TIAM1: variants seen among roughly 807,000 people sequenced by gnomAD.
TIAM1 encodes rho guanine nucleotide exchange factor TIAM1.
TIAM1 carries 65 observed loss-of-function variants against 163.5 expected under a neutral mutation model. The ratio of observed to expected loss-of-function variants is 0.40; its 90% CI spans 0.33 to 0.49. The LOEUF is 0.49. Among genes scored for constraint, TIAM1 ranks in the 20% least tolerant of loss-of-function variants. TIAM1 has a pLI of 0.77. For synonymous variants in TIAM1, 833 were observed against 810.1 expected (o/e 1.03, Z -0.48); for missense variants, 1,789 against 2,044.7 (o/e 0.87, Z 2.41).
chr21:31,336,249 T>A (rs1172183285), intron 2 of TIAM1, among the ~76,000 whole-genome samples: 1 of 152,202 alleles, frequency 6.6e-6, no homozygotes, highest in Non-Finnish European at 1.5e-5. Context: ...GCTTGACATG[T>A]TTCACCTACC....
chr21:31,301,056 G>A (rs926607273), intron 2 of TIAM1, among the ~76,000 whole-genome samples: 5 of 152,206 alleles, frequency 3.3e-5, no homozygotes, highest in African/African-American at 1.2e-4. Context: ...ACTGCATTGT[G>A]AATTTTGGAG....
At chr21:31,363,712 A>T (rs1300384119) in intron 2 of TIAM1, among the ~76,000 whole-genome samples, 2 of 152,116 alleles carry the variant, frequency 1.3e-5, no homozygotes. Flanking sequence ...GAAACTGCTG[A>T]TCACTCCCAA....
At chr21:31,142,663 A>G (rs906125235) in intron 20 of TIAM1, among the ~76,000 whole-genome samples, 6 of 151,688 alleles carry the variant, frequency 4.0e-5, no homozygotes, top group Non-Finnish European at 8.8e-5. Flanking sequence ...AAAAAAGAAA[A>G]AGAAAAAGAA....
intron 5 of TIAM1, among the ~76,000 whole-genome samples, chr21:31,248,317 T>C (rs939810682): frequency 2.0e-5 from 3 of 152,098 alleles, no homozygotes; most frequent in Non-Finnish European, 4.4e-5. Context: ...CAGGTAACTG[T>C]TTGTATAATT....
intron 2 of TIAM1, among the ~76,000 whole-genome samples, chr21:31,303,899 A>G (rs1468785786): frequency 6.6e-6 from 1 of 152,014 alleles, no homozygotes; most frequent in East Asian, 1.9e-4. Context: ...AATTGCTTGA[A>G]CCCTGGAGGC....
At chr21:31,209,521 T>A (rs953859809) in intron 11 of TIAM1, among the ~76,000 whole-genome samples, 2 of 152,148 alleles carry the variant, frequency 1.3e-5, no homozygotes, top group Middle Eastern at 3.2e-3. Context: ...TCAATGGAGG[T>A]CAAACTTATA....
chr21:31,505,630 C>CAT (rs2046998442), intron 1 of TIAM1, among the ~76,000 whole-genome samples: 1 of 152,114 alleles, frequency 6.6e-6, no homozygotes, highest in Non-Finnish European at 1.5e-5. Flanking sequence ...ATCAGCATTA[C>CAT]CGTCTTAGAT....
rs984290796 is a variant in TIAM1 at position 31,118,498 on chromosome 21, T to G, written c.*1870A>C. 2.2e-6 allele frequency: 1 copy of G among 447,868 alleles called. No homozygotes were observed. Among genetic ancestry groups the G allele is most frequent in the African/African-American group, 2.1e-5 (1 of 48,390 alleles). The allele number at this position is 447,868 out of a possible 1,614,324, so 27.7% of individuals were successfully genotyped here. The stretch of plus-strand genomic sequence containing the variant: ...CTAAAAACATAAAAATAGACCTTCT[T>G]TCAGCTTATAAAAGAAATATATAAG... On this transcript the variant is annotated 3_prime_UTR_variant, in exon 28 of 28. Coordinates refer to ENST00000541036, the MANE Select transcript of TIAM1 (RefSeq NM_001353694.2).
chr21:31,153,601 A>G (rs940544094), intron 17 of TIAM1, among the ~76,000 whole-genome samples: 8 of 152,224 alleles, frequency 5.3e-5, no homozygotes, highest in Non-Finnish European at 1.2e-4. Context: ...GATAACACAA[A>G]GACAACAGAC....
At chr21:31,489,148 A>G (rs2046371482) in intron 1 of TIAM1, among the ~76,000 whole-genome samples, 1 of 126,708 alleles carries the variant, frequency 7.9e-6, no homozygotes, top group African/African-American at 3.1e-5. Context: ...GGCAGGAGGA[A>G]TGCTTGAGTC....
At chr21:31,213,498 A>T in intron 9 of TIAM1, 26 bp from the exon 10 acceptor site, 1 of 1,610,994 alleles carries the variant, frequency 6.2e-7, no homozygotes, top group Admixed American at 1.7e-5. Flanking sequence ...TACCACCTTA[A>T]AAAGGAATCT....
chr21:31,132,159 C>T (rs1032522034), intron 23 of TIAM1, among the ~76,000 whole-genome samples: 1 of 152,184 alleles, frequency 6.6e-6, no homozygotes, highest in Admixed American at 6.5e-5. Context: ...CAGGGATGGG[C>T]CACCAGGCTC....
intron 1 of TIAM1, among the ~76,000 whole-genome samples, chr21:31,342,670 G>C (rs1168858335): frequency 2.6e-5 from 4 of 152,234 alleles, no homozygotes; most frequent in Non-Finnish European, 5.9e-5. Context: ...TGAGGGAGTA[G>C]ATCACAGACC....
chr21:31,168,136 A>C (rs2146377462), intron 15 of TIAM1, among the ~76,000 whole-genome samples: 1 of 150,760 alleles, frequency 6.6e-6, no homozygotes, highest in Admixed American at 6.6e-5. Context: ...TCTGTCGACC[A>C]GGCTGGAGTG....
chr21:31,412,037 T>C (rs2077367920), intron 2 of TIAM1, among the ~76,000 whole-genome samples: 1 of 152,174 alleles, frequency 6.6e-6, no homozygotes, highest in Non-Finnish European at 1.5e-5. Context: ...TCCACCTCGG[T>C]GTCTATCAAC....
intron 6 of TIAM1, 71 bp from the exon 7 acceptor site, chr21:31,226,021 T>C: frequency 7.1e-7 from 1 of 1,414,152 alleles, no homozygotes; most frequent in Non-Finnish European, 9.8e-7. Flanking sequence ...ACCGGAGCAT[T>C]TCCAGAGAAG....
At chr21:31,195,017 G>C (rs1437494656) in intron 13 of TIAM1, among the ~76,000 whole-genome samples, 1 of 152,164 alleles carries the variant, frequency 6.6e-6, no homozygotes, top group Non-Finnish European at 1.5e-5. Context: ...AGTAATTAAA[G>C]TTATGAAATT....
intron 4 of TIAM1, among the ~76,000 whole-genome samples, chr21:31,260,105 T>C (rs1166084207): frequency 1.4e-5 from 2 of 147,394 alleles, no homozygotes; most frequent in East Asian, 3.9e-4. Flanking sequence ...CAGCTAATTT[T>C]TCCTTTTTTT....
At chr21:31,536,723 A>G (rs8130529) in intron 1 of TIAM1, among the ~76,000 whole-genome samples, 2,699 of 152,298 alleles carry the variant, frequency 0.018, 97 homozygotes, top group African/African-American at 0.06. Context: ...CACGAGCCCT[A>G]TGGCCTCAGA....
Sources: gnomAD v4.1 joint callset for allele counts (sites outside exome capture counted in the v4.1 genomes callset) on GRCh38, gnomAD v4.1.1 for gene constraint, MANE v1.5 for transcripts, NCBI Gene and HGNC (gene_info 2026-07-23, HGNC 2026-07-21) for gene names.